The following CDH18 variants were observed in gnomAD, a reference collection of about 807,000 sequenced individuals.
CDH18 encodes the protein cadherin 18.
Under a neutral mutation model 67.9 loss-of-function variants are expected in CDH18, and 31 were observed. The observed-to-expected ratio is 0.46, with a 90% CI of 0.34 to 0.62. The LOEUF (loss-of-function observed/expected upper bound fraction) is 0.62. Ranked by LOEUF, CDH18 falls within the 20% of genes least tolerant of loss-of-function variation. The pLI, the probability that CDH18 is intolerant of heterozygous loss-of-function variation, is 0.01. For missense variants in CDH18, 890 were observed against 975.5 expected (o/e 0.91, Z 1.17); for synonymous variants, 362 against 347.2 (o/e 1.04, Z -0.48).
chr5:20,424,609 C>T (rs151269378), intron 1 of CDH18, among the ~76,000 whole-genome samples: 1,930 of 149,640 alleles, frequency 0.013, 35 homozygotes, highest in Non-Finnish European at 0.019. Context: ...ATTAGCCAGG[C>T]GTGGTGGTGC....
chr5:20,131,591 G>A (rs1749269652), intron 2 of CDH18, among the ~76,000 whole-genome samples: 1 of 152,092 alleles, frequency 6.6e-6, no homozygotes, highest in African/African-American at 2.4e-5. Flanking sequence ...ATGTACATTT[G>A]TGTGTCTGTA....
intron 5 of CDH18, among the ~76,000 whole-genome samples, chr5:19,659,658 G>A (rs535413254): frequency 2.6e-5 from 4 of 152,126 alleles, no homozygotes; most frequent in East Asian, 3.9e-4. Flanking sequence ...CCTTATGAGC[G>A]GGATTAGTGC....
At chr5:20,021,295 T>A (rs1738398426) in intron 2 of CDH18, among the ~76,000 whole-genome samples, 2 of 152,148 alleles carry the variant, frequency 1.3e-5, no homozygotes, top group Non-Finnish European at 2.9e-5. Context: ...TTTGGACTTT[T>A]AAGTTAATGC....
chr5:20,087,174 C>A (rs1393525906), intron 2 of CDH18, among the ~76,000 whole-genome samples: 1 of 151,948 alleles, frequency 6.6e-6, no homozygotes, highest in African/African-American at 2.4e-5. Context: ...AGGAAGAGGG[C>A]TAGTATTAGA....
At chr5:20,551,057 A>G (rs1651453) in intron 1 of CDH18, among the ~76,000 whole-genome samples, 109,435 of 152,024 alleles carry the variant, frequency 0.72, 39,717 homozygotes, top group East Asian at 0.98. Context: ...ATTCATTACA[A>G]CAGAAATTCA....
At chr5:20,297,550 G>A (rs1747639443) in intron 1 of CDH18, among the ~76,000 whole-genome samples, 1 of 152,128 alleles carries the variant, frequency 6.6e-6, no homozygotes, top group African/African-American at 2.4e-5. Context: ...TATGAAAAAA[G>A]GCAAGTTGTG....
At chr5:20,230,335 C>T (rs921445525) in intron 2 of CDH18, among the ~76,000 whole-genome samples, 2 of 152,104 alleles carry the variant, frequency 1.3e-5, no homozygotes, top group Non-Finnish European at 2.9e-5. Flanking sequence ...CACTCTGGGC[C>T]TATGAAATAC....
intron 2 of CDH18, among the ~76,000 whole-genome samples, chr5:20,053,303 T>A (rs1741605052): frequency 6.6e-6 from 1 of 151,408 alleles, no homozygotes; most frequent in Non-Finnish European, 1.5e-5. Context: ...ATGTAGTATA[T>A]ATAGCATACA....
intron 2 of CDH18, among the ~76,000 whole-genome samples, chr5:20,047,640 T>A (rs1741025021): frequency 6.6e-6 from 1 of 151,726 alleles, no homozygotes; most frequent in African/African-American, 2.4e-5. Flanking sequence ...AAAAGTGCAA[T>A]CTCTTCAAAC....
chr5:19,550,346 T>C (rs1011302146), intron 8 of CDH18, among the ~76,000 whole-genome samples: 1 of 152,022 alleles, frequency 6.6e-6, no homozygotes, highest in Non-Finnish European at 1.5e-5. Context: ...ATGTGCCATG[T>C]CGGTGTGCTG....
intron 2 of CDH18, among the ~76,000 whole-genome samples, chr5:19,970,117 G>A (rs1911863): frequency 0.43 from 64,769 of 151,574 alleles, 16,140 homozygotes; most frequent in Middle Eastern, 0.65. Context: ...CAAATGGTCA[G>A]TAAAGAACCA....
rs555194784 is a variant in CDH18 at position 20,402,134 on chromosome 5, T to A, written c.-579-146629A>T. On this transcript the variant is annotated intron_variant, in intron 1 of 14. Transcript: ENST00000507958. Reference sequence around the variant, plus strand: ...GAAGATTTTTTTCCCTCATCTCTTTTGTGCAGGCTCTTTTTCAACGTTCAG... The same window carrying A: ...GAAGATTTTTTTCCCTCATCTCTTTAGTGCAGGCTCTTTTTCAACGTTCAG... Among the ~76,000 whole-genome samples the A allele has an allele frequency of 9.8e-5, 15 of 152,286 alleles. No individual in the cohort carries two copies. In the East Asian group the frequency reaches 2.9e-3, roughly 29 times the overall value.
intron 1 of CDH18, among the ~76,000 whole-genome samples, chr5:20,385,043 G>T (rs1744204857): frequency 6.6e-6 from 1 of 151,982 alleles, no homozygotes; most frequent in Non-Finnish European, 1.5e-5. Context: ...CGCCATGTTG[G>T]CCAGGCTGGT....
Position 20,555,822 on chromosome 5 carries a change from T to C in CDH18, c.-580+19640A>G, listed in dbSNP as rs1757875367. 2.0e-5 allele frequency among the ~76,000 whole-genome samples: 3 copies of C among 152,104 alleles called. No individual in the cohort carries two copies. The South Asian group carries it at 6.2e-4, about 32-fold the overall frequency. ...TCTAATATTCTTTCTCATCCTATTT[T>C]ACTTTGTTCTTCTTAAAAATTCCCA... On this transcript the variant is annotated intron_variant, in intron 1 of 14. Coordinates refer to the CDH18 transcript ENST00000507958.
intron 2 of CDH18, among the ~76,000 whole-genome samples, chr5:19,918,242 C>T (rs182501953): frequency 6.6e-6 from 1 of 152,222 alleles, no homozygotes; most frequent in East Asian, 1.9e-4. Flanking sequence ...GAAGAACTTC[C>T]AACATGACAA....
intron 2 of CDH18, among the ~76,000 whole-genome samples, chr5:19,910,405 T>G (rs2150136394): frequency 6.6e-6 from 1 of 152,296 alleles, no homozygotes; most frequent in South Asian, 2.1e-4. Context: ...CATTAAGCTC[T>G]GTATTATGAA....
chr5:19,505,075 A>C (rs1480847885), intron 10 of CDH18, among the ~76,000 whole-genome samples: 1 of 152,124 alleles, frequency 6.6e-6, no homozygotes, highest in Non-Finnish European at 1.5e-5. Context: ...TTTTTTACAG[A>C]TAATTTCAAA....
chr5:20,463,042 G>A (rs1751382501), intron 1 of CDH18, among the ~76,000 whole-genome samples: 1 of 152,102 alleles, frequency 6.6e-6, no homozygotes, highest in Non-Finnish European at 1.5e-5. Flanking sequence ...GTTCGAACAT[G>A]GCTAAATATT....
chr5:20,371,655 T>A (rs971455458), intron 1 of CDH18, among the ~76,000 whole-genome samples: 1 of 152,136 alleles, frequency 6.6e-6, no homozygotes, highest in African/African-American at 2.4e-5. Context: ...TCTTTTAAGA[T>A]GGGAGACATA....
Sources: gnomAD v4.1 joint callset for allele counts (sites outside exome capture counted in the v4.1 genomes callset) on GRCh38, gnomAD v4.1.1 for gene constraint, MANE v1.5 for transcripts, NCBI Gene and HGNC (gene_info 2026-07-23, HGNC 2026-07-21) for gene names.